The following SPOCK3 variants were observed in gnomAD, a reference collection of about 807,000 sequenced individuals.
The protein encoded by SPOCK3 is testican-3.
Under a neutral mutation model 56.6 loss-of-function variants are expected in SPOCK3, and 30 were observed. The observed-to-expected ratio is 0.53, with a 90% CI of 0.40 to 0.72. SPOCK3 has a LOEUF of 0.72. Among genes scored for constraint, SPOCK3 ranks in the 30% least tolerant of loss-of-function variants. The probability of loss-of-function intolerance (pLI) is 0.00; values close to 1 mark genes in which losing one functional copy is unlikely to be tolerated. For synonymous variants in SPOCK3, 196 were observed against 183.3 expected (o/e 1.07, Z -0.56); for missense variants, 527 against 530.0 (o/e 0.99, Z 0.06).
At chr4:166,976,614 T>C (rs771127239) in intron 4 of SPOCK3, among the ~76,000 whole-genome samples, 24 of 152,158 alleles carry the variant, frequency 1.6e-4, no homozygotes, top group Non-Finnish European at 2.4e-4. Flanking sequence ...CCCTAATTAG[T>C]CCTGCAACAT....
At chr4:166,894,171 A>G (rs4860001) in intron 5 of SPOCK3, among the ~76,000 whole-genome samples, 131,942 of 152,178 alleles carry the variant, frequency 0.87, 57,371 homozygotes, top group African/African-American at 0.93. Flanking sequence ...ACCCTGCTTC[A>G]TTGGAGGAGC....
intron 7 of SPOCK3, among the ~76,000 whole-genome samples, chr4:166,777,829 GT>G (rs1386755601): frequency 3.9e-5 from 6 of 152,092 alleles, no homozygotes; most frequent in Admixed American, 2.6e-4. Flanking sequence ...GTGACTTTGG[GT>G]TTTCCCTCTC....
At chr4:166,785,419 AG>A (rs1740630813) in intron 7 of SPOCK3, among the ~76,000 whole-genome samples, 1 of 152,140 alleles carries the variant, frequency 6.6e-6, no homozygotes, top group African/African-American at 2.4e-5. Context: ...CCAAGATTCA[AG>A]TAAAATACAA....
At chr4:167,188,883 C>T (rs1732240832) in intron 2 of SPOCK3, among the ~76,000 whole-genome samples, 1 of 145,862 alleles carries the variant, frequency 6.9e-6, no homozygotes, top group Non-Finnish European at 1.5e-5. Context: ...TGCCAACTTC[C>T]AAAGTTCAGA....
At chr4:166,910,191 T>C (rs1004714349) in intron 5 of SPOCK3, among the ~76,000 whole-genome samples, 1 of 152,076 alleles carries the variant, frequency 6.6e-6, no homozygotes, top group African/African-American at 2.4e-5. Context: ...TGGTTCAAAG[T>C]GGAAAAGTCA....
intron 6 of SPOCK3, among the ~76,000 whole-genome samples, chr4:166,828,456 A>G (rs563636292): frequency 2.4e-4 from 37 of 152,174 alleles, no homozygotes; most frequent in African/African-American, 8.4e-4. Context: ...AGCAATACAT[A>G]GGAATTAGAT....
chr4:166,874,957 C>T (rs909424825), intron 6 of SPOCK3, among the ~76,000 whole-genome samples: 4 of 152,056 alleles, frequency 2.6e-5, no homozygotes, highest in Non-Finnish European at 5.9e-5. Flanking sequence ...TATTGTAAGA[C>T]ATTTTTGTCT....
intron 2 of SPOCK3, among the ~76,000 whole-genome samples, chr4:167,192,759 C>T (rs1433722016): frequency 6.9e-6 from 1 of 145,588 alleles, no homozygotes; most frequent in East Asian, 2.1e-4. Context: ...CCTCTTTGAA[C>T]TTATTCTGCT....
intron 3 of SPOCK3, among the ~76,000 whole-genome samples, chr4:167,021,879 A>T (rs1751218899): frequency 6.6e-6 from 1 of 152,058 alleles, no homozygotes. Flanking sequence ...TGTACATTTT[A>T]ACTAAAGGTT....
chr4:167,191,207 T>A (rs1732447727), intron 2 of SPOCK3, among the ~76,000 whole-genome samples: 1 of 145,990 alleles, frequency 6.8e-6, no homozygotes, highest in Admixed American at 7.0e-5. Flanking sequence ...ATTAAATCTA[T>A]AATTAACATT....
At chr4:166,889,566 C>T (rs773863010) in intron 5 of SPOCK3, among the ~76,000 whole-genome samples, 1 of 151,872 alleles carries the variant, frequency 6.6e-6, no homozygotes, top group Non-Finnish European at 1.5e-5. Context: ...AATGGAGAGA[C>T]GCATGACATA....
At chr4:167,171,867 T>C (rs1730526834) in intron 2 of SPOCK3, among the ~76,000 whole-genome samples, 1 of 150,068 alleles carries the variant, frequency 6.7e-6, no homozygotes, top group Non-Finnish European at 1.5e-5. Context: ...AAAAAGTAAA[T>C]TTAAAAAAAA....
chr4:167,015,742 A>G (rs763102680), intron 3 of SPOCK3, among the ~76,000 whole-genome samples: 1 of 152,158 alleles, frequency 6.6e-6, no homozygotes, highest in African/African-American at 2.4e-5. Flanking sequence ...TAAAACCCAG[A>G]AATTATCCAA....
Position 166,735,015 on chromosome 4 carries a change from T to C in SPOCK3, c.1208A>G (p.Asp403Gly). 4 of 1,569,388 alleles carry C rather than the reference T, an allele frequency of 2.5e-6. No homozygotes were observed. Among genetic ancestry groups the C allele is most frequent in the Non-Finnish European group, 3.5e-6 (4 of 1,140,062 alleles). The part of the protein sequence containing the change: ...HEWTDDEDDE[D>G]DIMNDEDEIE... Reference sequence around the variant, plus strand: ...TTCATCTTCATCATTCATAATATCGTCTTCATCATCCTCATCATCAGTCCA... The same window carrying C: ...TTCATCTTCATCATTCATAATATCGCCTTCATCATCCTCATCATCAGTCCA... Residue 403 changes from aspartate to glycine, a missense_variant, in exon 11 of 11, where the codon GAC becomes GGC. Asp to Gly is a moderately conservative substitution (Grantham distance 94). Coordinates refer to ENST00000357545, the MANE Select transcript of SPOCK3 (RefSeq NM_001040159.2).
chr4:167,133,705 T>G (rs1762874210), intron 2 of SPOCK3, among the ~76,000 whole-genome samples: 2 of 152,210 alleles, frequency 1.3e-5, no homozygotes, highest in East Asian at 3.8e-4. Context: ...TTGTTTTCCC[T>G]TGGCTTCTAA....
chr4:166,874,161 C>T (rs985797253), intron 6 of SPOCK3, among the ~76,000 whole-genome samples: 1 of 152,032 alleles, frequency 6.6e-6, no homozygotes, highest in African/African-American at 2.4e-5. Context: ...CTACTATCCT[C>T]TTTATAAGGA....
intron 2 of SPOCK3, among the ~76,000 whole-genome samples, chr4:167,176,730 C>G (rs1488853797): frequency 1.3e-5 from 2 of 151,976 alleles, no homozygotes; most frequent in African/African-American, 4.8e-5. Context: ...TGGAACTGGA[C>G]AGGGTAGAAA....
In SPOCK3 at chr4:166,746,877, A is replaced by T. The variant is rs189166121; in HGVS notation, c.932-4818T>A. ...ACACCTTTACACAAATAAACTAGAA[A>T]ATCTAGAAGAAATGCATAAATTCCT... On this transcript the variant is annotated intron_variant, in intron 8 of 10. Coordinates refer to ENST00000357545, the MANE Select transcript of SPOCK3 (RefSeq NM_001040159.2). Among the ~76,000 whole-genome samples, 272 of 152,312 alleles carry T rather than the reference A, an allele frequency of 1.8e-3. 1 individual carries two copies. The highest frequency in any genetic ancestry group is 3.2e-3 in the Non-Finnish European group (217 of 68,024).
intron 2 of SPOCK3, among the ~76,000 whole-genome samples, chr4:167,114,802 A>G (rs1057136131): frequency 2.6e-5 from 4 of 152,080 alleles, no homozygotes; most frequent in Admixed American, 2.6e-4. Context: ...GTAAGGTGCT[A>G]TGTTTCCACG....
Sources: gnomAD v4.1 joint callset for allele counts (sites outside exome capture counted in the v4.1 genomes callset) on GRCh38, gnomAD v4.1.1 for gene constraint, MANE v1.5 for transcripts, NCBI Gene and HGNC (gene_info 2026-07-23, HGNC 2026-07-21) for gene names.